The following SHISA5 variants were observed in gnomAD, a reference collection of about 807,000 sequenced individuals.
SHISA5 encodes the protein shisa family member 5, also known as protein shisa-5.
A neutral mutation model predicts 27.5 loss-of-function variants in SHISA5; 21 were observed. The observed-to-expected ratio is 0.76, with a 90% CI of 0.54 to 1.10. The LOEUF (loss-of-function observed/expected upper bound fraction) is 1.10. SHISA5 is among the 50% of genes least tolerant of loss of function. SHISA5 has a pLI of 0.00. For synonymous variants in SHISA5, 137 were observed against 142.2 expected (o/e 0.96, Z 0.26); for missense variants, 314 against 336.3 (o/e 0.93, Z 0.52).
chr3:48,491,976 T>G (rs764485105), intron 2 of SHISA5, among the ~76,000 whole-genome samples: 1 of 151,694 alleles, frequency 6.6e-6, no homozygotes. Flanking sequence ...CAGGATGAAA[T>G]GTACCTATGG....
Position 48,493,100 on chromosome 3 carries a change from A to G in SHISA5, c.233+8037T>C, listed in dbSNP as rs1012916611. Among the ~76,000 whole-genome samples the G allele has an allele frequency of 5.0e-5, 7 of 138,640 alleles. 2 individuals are homozygous for G. Among genetic ancestry groups the G allele is most frequent in the African/African-American group, 1.6e-4 (5 of 31,608 alleles). The allele number at this position is 138,640 out of a possible 152,430, so 91.0% of individuals were successfully genotyped here. On this transcript the variant is annotated intron_variant, in intron 2 of 5. Coordinates refer to ENST00000296444, the MANE Select transcript of SHISA5 (RefSeq NM_016479.6). The stretch of plus-strand genomic sequence containing the variant: ...GTACTGAAATCTTGAAAACGGCACA[A>G]TGGGGTATTACAACACAACCACCAA...
chr3:48,497,953 GTCTCAACAGAAACAA>G (rs1295610056), intron 2 of SHISA5, among the ~76,000 whole-genome samples: 1 of 151,844 alleles, frequency 6.6e-6, no homozygotes, highest in Non-Finnish European at 1.5e-5. Context: ...TTGAGTTGAT[GTCTCAACAGAAACAA>G]TGGAAGCCGG....
At position 48,469,174 on chromosome 3, in the gene SHISA5, G is replaced by A. The variant is rs757990325; in HGVS notation, c.656C>T (p.Ala219Val). The change falls in exon 6 of 6, where the codon GCG becomes GTG. Residue 219 changes from alanine to valine, a missense_variant. Physicochemically the swap from Ala to Val is moderately conservative, Grantham distance 64. Coordinates refer to ENST00000296444, the MANE Select transcript of SHISA5 (RefSeq NM_016479.6). This position sits in a 1 kb window ranked among gnomAD's most constrained non-coding sequence, Gnocchi z 4.6. The stretch of plus-strand genomic sequence containing the variant: ...AGGAGGCTGGCTGGCGGGGTAGGGC[G>A]CGGCTGCTCCTCCTGAAAGCAGAGA... ...YHETLAGGAA[A>V]PYPASQPPYN... 16 of 1,612,282 alleles carry A rather than the reference G, an allele frequency of 9.9e-6. No individual in the cohort carries two copies. The highest frequency in any genetic ancestry group is 3.3e-5 in the South Asian group (3 of 91,062).
intron 1 of SHISA5, 41 bp downstream of exon 1, chr3:48,503,978 C>G: frequency 2.8e-6 from 4 of 1,450,740 alleles, no homozygotes; most frequent in South Asian, 1.3e-5. Flanking sequence ...AGTGTCTGCC[C>G]GGTCCCAGGG....
intron 2 of SHISA5, among the ~76,000 whole-genome samples, chr3:48,490,734 T>C (rs1221243432): frequency 6.6e-6 from 1 of 152,210 alleles, no homozygotes; most frequent in Non-Finnish European, 1.5e-5. Context: ...CCCCAAAACA[T>C]GTTTCTTTGC....
chr3:48,496,280 C>T (rs13323883), intron 2 of SHISA5, among the ~76,000 whole-genome samples: 1 of 129,444 alleles, frequency 7.7e-6, no homozygotes, highest in Admixed American at 8.3e-5. Flanking sequence ...CAACAGAGTG[C>T]GACTCCGTCA....
At chr3:48,483,875 C>G (rs1346334489) in intron 2 of SHISA5, among the ~76,000 whole-genome samples, 1 of 152,128 alleles carries the variant, frequency 6.6e-6, no homozygotes, top group Admixed American at 6.5e-5. Context: ...CTGACCCCAC[C>G]TAGCTAATTT....
In SHISA5 at chr3:48,473,254, G is replaced by A. The variant is rs78657850; in HGVS notation, c.315-3411C>T. On this transcript the variant is annotated intron_variant, in intron 3 of 5. Coordinates refer to ENST00000296444, the MANE Select transcript of SHISA5 (RefSeq NM_016479.6). The surrounding 1 kb of genome is among the most constrained non-coding windows in gnomAD (Gnocchi z 4.3). ...GGAGCCAAGGGGCGGGGGCCGGGGA[G>A]GAGGGGAAGCAGAGGTGCCCCATTT... 6,917 of 1,418,978 alleles carry A rather than the reference G, an allele frequency of 4.9e-3. 185 individuals carry two copies. In the African/African-American group the frequency reaches 0.071, roughly 15 times the overall value. 87.9% of individuals were successfully genotyped at this position (1,418,978 alleles called of 1,614,324 possible).
chr3:48,470,515 A>G lies in SHISA5; in HGVS notation c.315-672T>C, dbSNP rs533833155. Among the ~76,000 whole-genome samples, 1 of 152,342 alleles carries G rather than the reference A, an allele frequency of 6.6e-6. No individual in the cohort carries two copies. Among genetic ancestry groups the G allele is most frequent in the South Asian group, 2.1e-4 (1 of 4,828 alleles). ...CCTGGGTCCCCCACCTCTGACCTGC[A>G]TGGCCACTTCCACAGGTGAGAGGGC... On this transcript the variant is annotated intron_variant, in intron 3 of 5. Coordinates refer to ENST00000296444, the MANE Select transcript of SHISA5 (RefSeq NM_016479.6). This position sits in a 1 kb window ranked among gnomAD's most constrained non-coding sequence, Gnocchi z 4.3.
chr3:48,485,553 T>C (rs970129300), intron 2 of SHISA5, among the ~76,000 whole-genome samples: 2 of 143,772 alleles, frequency 1.4e-5, no homozygotes, highest in African/African-American at 5.0e-5. Flanking sequence ...ATATATATAA[T>C]ATATTATATA....
Position 48,473,164 on chromosome 3 carries a change from C to T in SHISA5, c.315-3321G>A, listed in dbSNP as rs775066790. On this transcript the variant is annotated intron_variant, in intron 3 of 5. Transcript: ENST00000296444. This position sits in a 1 kb window ranked among gnomAD's most constrained non-coding sequence, Gnocchi z 4.3. ...ACGTCAGCCACAGGAAGCACAGACG[C>T]GAAGCCCCGTTCCACCCTCTTAAAG... 99 of 1,444,586 alleles carry T rather than the reference C, an allele frequency of 6.9e-5. No individual in the cohort carries two copies. Among genetic ancestry groups the T allele is most frequent in the Non-Finnish European group, 8.5e-5 (94 of 1,101,898 alleles). The allele number at this position is 1,444,586 out of a possible 1,614,324, so 89.5% of individuals were successfully genotyped here. A position where few individuals can be genotyped will look rare whatever the true frequency, so the allele number is the denominator to read the frequency against.
At chr3:48,479,111 T>C in intron 3 of SHISA5, 66 bp downstream of exon 3, 2 of 1,431,184 alleles carry the variant, frequency 1.4e-6, no homozygotes, top group Non-Finnish European at 9.6e-7. Flanking sequence ...AGATGCACAC[T>C]GGCCCCCCTG....
intron 2 of SHISA5, among the ~76,000 whole-genome samples, chr3:48,483,729 A>G: frequency 7.1e-6 from 1 of 140,444 alleles, no homozygotes; most frequent in Non-Finnish European, 1.5e-5. Context: ...TGACCCCCCC[A>G]CCTCCCTCCC....
intron 2 of SHISA5, among the ~76,000 whole-genome samples, chr3:48,491,503 G>A (rs1446504821): frequency 6.6e-6 from 1 of 152,204 alleles, no homozygotes; most frequent in East Asian, 1.9e-4. Flanking sequence ...GGACCACCTT[G>A]GGCACATGTT....
intron 2 of SHISA5, 176 bp from the exon 3 acceptor site, chr3:48,479,433 C>T: frequency 1.6e-6 from 1 of 611,398 alleles, no homozygotes; most frequent in South Asian, 1.9e-5. Flanking sequence ...GCCACACATC[C>T]TCTCAGGTGT....
intron 2 of SHISA5, among the ~76,000 whole-genome samples, chr3:48,496,419 C>T (rs546767013): frequency 2.6e-5 from 4 of 152,018 alleles, no homozygotes; most frequent in Admixed American, 6.6e-5. Flanking sequence ...TGGTGAAACC[C>T]CGTCTCTACT....
intron 2 of SHISA5, among the ~76,000 whole-genome samples, chr3:48,483,537 C>A (rs2107333657): frequency 6.6e-6 from 1 of 152,334 alleles, no homozygotes; most frequent in African/African-American, 2.4e-5. Flanking sequence ...TTTTCCCCAC[C>A]TTTCCCCCTT....
At chr3:48,503,595 G>T in intron 1 of SHISA5, 1 of 580,992 alleles carries the variant, frequency 1.7e-6, no homozygotes, top group Non-Finnish European at 2.3e-6. Context: ...AGGAACACAA[G>T]GGCCAACGGA....
intron 2 of SHISA5, among the ~76,000 whole-genome samples, chr3:48,498,650 C>T (rs1408421676): frequency 7.1e-6 from 1 of 140,182 alleles, no homozygotes; most frequent in Non-Finnish European, 1.5e-5. Flanking sequence ...TCACGCGCCA[C>T]TGCACTCCAG....
Sources: allele counts gnomAD v4.1 joint callset (sites outside exome capture counted in the v4.1 genomes callset), GRCh38; gene constraint gnomAD v4.1.1; non-coding constraint Gnocchi (gnomAD v3.1); transcripts MANE v1.5; gene names NCBI Gene and HGNC (gene_info 2026-07-23, HGNC 2026-07-21).